Variants in WIPF3 observed in about 807,000 individuals in gnomAD.
WIPF3 encodes WAS/WASL interacting protein family member 3.
Under a neutral mutation model 38.9 loss-of-function variants are expected in WIPF3, and 33 were observed. The observed-to-expected ratio is 0.85, with a 90% CI of 0.64 to 1.14. WIPF3 has a LOEUF of 1.14. WIPF3 is among the 50% of genes most tolerant of loss of function. The pLI is 0.00. For missense variants in WIPF3, 711 were observed against 652.5 expected (o/e 1.09, Z -0.98); for synonymous variants, 324 against 269.3 (o/e 1.20, Z -1.99).
Position 29,834,701 on chromosome 7 carries a change from C to T in WIPF3, c.-24C>T. ...CCACTCTCTTGGGACCATTCATAAG[C>T]AGGAGACATCAACACCGTGACACAT... is the stretch of plus-strand genomic sequence containing the variant. On this transcript the variant is annotated 5_prime_UTR_variant, in exon 2 of 9. Transcript: ENST00000242140. 2 of 1,477,112 alleles carry T rather than the reference C, an allele frequency of 1.4e-6. No homozygotes were observed. The highest frequency in any genetic ancestry group is 1.8e-6 in the Non-Finnish European group (2 of 1,115,564). 91.5% of individuals were successfully genotyped at this position (1,477,112 alleles called of 1,614,324 possible). A position where few individuals can be genotyped will look rare whatever the true frequency, so the allele number is the denominator to read the frequency against.
chr7:29,883,106 A>G (rs544251493), intron 4 of WIPF3, among the ~76,000 whole-genome samples: 13 of 152,364 alleles, frequency 8.5e-5, no homozygotes, highest in Admixed American at 6.5e-4. Context: ...GCAAATGCTT[A>G]TCAAGAGCCA....
At chr7:29,814,904 T>A (rs1307952469) in intron 1 of WIPF3, among the ~76,000 whole-genome samples, 1 of 152,208 alleles carries the variant, frequency 6.6e-6, no homozygotes, top group Admixed American at 6.5e-5. Flanking sequence ...CTTTCCTATG[T>A]GGCTGATGTA....
chr7:29,833,645 C>T (rs1266287962), intron 1 of WIPF3, among the ~76,000 whole-genome samples: 3 of 152,104 alleles, frequency 2.0e-5, no homozygotes, highest in African/African-American at 7.2e-5. Context: ...AGAATATTAA[C>T]ATGAAAAAAC....
At chr7:29,894,894 AGTTTTGT>A (rs1296371112) in intron 7 of WIPF3, among the ~76,000 whole-genome samples, 2 of 147,946 alleles carry the variant, frequency 1.4e-5, no homozygotes, top group Non-Finnish European at 3.0e-5. Context: ...GGCTTTGTTT[AGTTTTGT>A]GTTTTGTGTG....
At chr7:29,842,397 C>T (rs928210878) in intron 2 of WIPF3, among the ~76,000 whole-genome samples, 2 of 152,184 alleles carry the variant, frequency 1.3e-5, no homozygotes, top group Admixed American at 6.5e-5. Flanking sequence ...TTTCTGCCTG[C>T]CCGTTCCGGG....
chr7:29,877,267 T>C (rs376986822), intron 3 of WIPF3, among the ~76,000 whole-genome samples: 63 of 152,328 alleles, frequency 4.1e-4, no homozygotes, highest in African/African-American at 1.5e-3. Context: ...GAAACATTTT[T>C]AAAAGCCAGC....
intron 7 of WIPF3, among the ~76,000 whole-genome samples, chr7:29,895,585 T>C (rs1250624332): frequency 1.3e-5 from 2 of 152,198 alleles, no homozygotes; most frequent in East Asian, 3.8e-4. Context: ...GGGTAATTTA[T>C]AGGAAAAGAG....
At chr7:29,835,914 T>C (rs898237245) in intron 2 of WIPF3, among the ~76,000 whole-genome samples, 7 of 151,614 alleles carry the variant, frequency 4.6e-5, no homozygotes, top group Non-Finnish European at 8.8e-5. Context: ...CCCTGAGGAG[T>C]GTTGGCTATG....
rs1411984342 is a variant in WIPF3 at position 29,806,567 on chromosome 7, C to G, written c.-169C>G. ...ACCGAGCGCAGCTCGGCGGTAGCGGCGCCGCTTGGAGCACGGGCGCTGCGG... is the reference window on the plus strand; with the variant it reads ...ACCGAGCGCAGCTCGGCGGTAGCGGGGCCGCTTGGAGCACGGGCGCTGCGG... On this transcript the variant is annotated 5_prime_UTR_variant, in exon 1 of 9. Transcript: ENST00000242140. 1 of 151,342 alleles carries G rather than the reference C, an allele frequency of 6.6e-6. No homozygotes were observed. The highest frequency in any genetic ancestry group is 1.5e-5 in the Non-Finnish European group (1 of 67,824). The allele number at this position is 151,342 out of a possible 1,614,324, so 9.4% of individuals were successfully genotyped here.
In WIPF3 at chr7:29,904,345, A is replaced by G. The variant is rs752436808; in HGVS notation, c.1411A>G (p.Lys471Glu). 6 of 1,613,964 alleles carry G rather than the reference A, an allele frequency of 3.7e-6. No individual in the cohort carries two copies. In the South Asian group the frequency reaches 6.6e-5, roughly 18 times the overall value. ...EAVGQSSDDI[K>E]GRNSQLSLKT... ...AGTCGGGCAGAGCTCTGATGACATCAAAGGCAGAAATTCTCAGGTAACACA... is the reference window on the plus strand; with the variant it reads ...AGTCGGGCAGAGCTCTGATGACATCGAAGGCAGAAATTCTCAGGTAACACA... The change falls in exon 8 of 9, where the codon AAA becomes GAA. Residue 471 changes from lysine (K) to glutamate (E), a missense_variant. Physicochemically the swap from Lys to Glu is moderately conservative, Grantham distance 56. Transcript: ENST00000242140.
chr7:29,889,434 G>A (rs1350829113), intron 7 of WIPF3, 27 bp downstream of exon 7: 2 of 1,576,520 alleles, frequency 1.3e-6, no homozygotes, highest in Admixed American at 3.3e-5. Context: ...TAAGACTCCT[G>A]GCATCTCCCG....
rs1223319447 is a variant in WIPF3 at position 29,905,810 on chromosome 7, T to G, written c.1428+1448T>G. The G allele has an allele frequency of 3.3e-5, 5 of 152,178 alleles. No individual in the cohort carries two copies. The East Asian group carries it at 9.6e-4, about 29-fold the overall frequency. The allele number at this position is 152,178 out of a possible 1,614,324, so 9.4% of individuals were successfully genotyped here. On this transcript the variant is annotated intron_variant, in intron 8 of 8. Coordinates refer to ENST00000242140, the MANE Select transcript of WIPF3 (RefSeq NM_001080529.3). ...TGGGGATTTCAAGGGCTGGTGGCCA[T>G]TTTGTTCCTCCTGTCCTTGCTCTTT...
chr7:29,821,916 C>T (rs945314530), intron 1 of WIPF3, among the ~76,000 whole-genome samples: 15 of 151,960 alleles, frequency 9.9e-5, no homozygotes, highest in African/African-American at 7.3e-5. Flanking sequence ...ATTTTTCATC[C>T]TCTATTATTT....
intron 2 of WIPF3, among the ~76,000 whole-genome samples, chr7:29,852,657 A>G (rs79339878): frequency 0.034 from 5,234 of 152,280 alleles, 107 homozygotes; most frequent in South Asian, 0.06. Context: ...AACTTCTTGT[A>G]TGTCTTCCCC....
intron 1 of WIPF3, among the ~76,000 whole-genome samples, chr7:29,834,210 T>A (rs1259386886): frequency 1.3e-5 from 2 of 152,174 alleles, no homozygotes; most frequent in Non-Finnish European, 2.9e-5. Context: ...TGAGTTCATG[T>A]TGAGCCTGTG....
At position 29,824,800 on chromosome 7, in the gene WIPF3, G is replaced by C. The variant is rs900640938; in HGVS notation, c.-57-9868G>C. 2.6e-5 allele frequency among the ~76,000 whole-genome samples: 4 copies of C among 152,122 alleles called. No homozygotes were observed. The East Asian group carries it at 5.8e-4, about 22-fold the overall frequency. On this transcript the variant is annotated intron_variant, in intron 1 of 8. Transcript: ENST00000242140. ...GCCTCAGGAAGGAATCTGCCTGGTA[G>C]CTGAGATGAGGGAGGCTCCTTGCTG...
At chr7:29,906,711 C>A (rs1786405032) in intron 8 of WIPF3, among the ~76,000 whole-genome samples, 1 of 152,088 alleles carries the variant, frequency 6.6e-6, no homozygotes, top group African/African-American at 2.4e-5. Flanking sequence ...AACTAAAAAA[C>A]CACACCAAAG....
intron 1 of WIPF3, among the ~76,000 whole-genome samples, chr7:29,827,136 T>A (rs2128063979): frequency 6.6e-6 from 1 of 152,316 alleles, no homozygotes; most frequent in Admixed American, 6.5e-5. Context: ...AGTGATTTTT[T>A]CATCAGATTT....
intron 7 of WIPF3, among the ~76,000 whole-genome samples, chr7:29,898,646 A>G (rs752550927): frequency 2.6e-5 from 4 of 152,098 alleles, no homozygotes; most frequent in Non-Finnish European, 4.4e-5. Context: ...CAACACCTGC[A>G]ATTTCCAGAA....
Sources: gnomAD v4.1 joint callset for allele counts (sites outside exome capture counted in the v4.1 genomes callset) on GRCh38, gnomAD v4.1.1 for gene constraint, MANE v1.5 for transcripts, NCBI Gene and HGNC (gene_info 2026-07-23, HGNC 2026-07-21) for gene names.